TSR3: variants seen among roughly 807,000 people sequenced by gnomAD.
TSR3 encodes TSR3 ribosome maturation factor.
In TSR3, 31 loss-of-function variants were observed where a neutral mutation model predicts 28.1. The ratio of observed to expected loss-of-function variants is 1.10; its 90% CI spans 0.83 to 1.49. TSR3 has a LOEUF of 1.49. Ranked by LOEUF, TSR3 falls within the 40% of genes most tolerant of loss-of-function variation. TSR3 has a pLI of 0.00. For missense variants in TSR3, 511 were observed against 444.0 expected, an observed-to-expected ratio of 1.15 and a Z score of -1.36; for synonymous variants, 219 against 197.2, an observed-to-expected ratio of 1.11 and a Z score of -0.93.
At position 1,349,439 on chromosome 16, in the gene TSR3, AGTCTCTCTGCCGTT is replaced by A; in HGVS notation, c.923_936del (p.Lys308MetfsTer13). On this transcript the variant is annotated frameshift_variant, in exon 6 of 6. Coordinates refer to ENST00000007390, the MANE Select transcript of TSR3 (RefSeq NM_001001410.3). LOFTEE classifies it high-confidence loss of function. Reference sequence around the variant, plus strand: ...AAAAATATATGTGTCTGCAACCCTCAGTCTCTCTGCCGTTTCTTGATTCCTTTCCAAACCTCAGC... The same window carrying A: ...AAAAATATATGTGTCTGCAACCCTCATCTTGATTCCTTTCCAAACCTCAGC... 1 of 1,613,452 alleles carries A rather than the reference AGTCTCTCTGCCGTT, an allele frequency of 6.2e-7. No individual in the cohort carries two copies. The highest frequency in any genetic ancestry group is 1.1e-5 in the South Asian group (1 of 91,044).
chr16:1,350,671 C>T, intron 3 of TSR3, 136 bp downstream of exon 3: 1 of 1,033,082 alleles, frequency 9.7e-7, no homozygotes, highest in Non-Finnish European at 1.4e-6. Flanking sequence ...GGGGCTGGAA[C>T]CGTGGTCTGT....
chr16:1,350,735 A>T, intron 3 of TSR3, 72 bp downstream of exon 3: 1 of 1,528,814 alleles, frequency 6.5e-7, no homozygotes, highest in East Asian at 2.3e-5. Flanking sequence ...TGTCGGCAGG[A>T]AACATGATGC....
chr16:1,351,086 C>G, intron 2 of TSR3, 86 bp from the exon 3 acceptor site: 1 of 1,395,774 alleles, frequency 7.2e-7, no homozygotes, highest in South Asian at 1.3e-5. Context: ...CTAAGGGATT[C>G]AGGGACATCA....
Position 1,350,858 on chromosome 16 carries a change from G to A in TSR3, c.475C>T (p.Pro159Ser), listed in dbSNP as rs575653164. The change falls in exon 3 of 6, where the codon CCC becomes TCC. Residue 159 changes from proline (P) to serine (S), a missense_variant. Pro to Ser is a moderately conservative substitution (Grantham distance 74, BLOSUM62 -1). Transcript: ENST00000007390. Reference sequence around the variant, plus strand: ...GCTTCCACGCAGGAAAGTCTGTAGGGCCGGCCATAGTTCACGGGGTTGGCG... The same window carrying A: ...GCTTCCACGCAGGAAAGTCTGTAGGACCGGCCATAGTTCACGGGGTTGGCG... The part of the protein sequence containing the change: ...VAANPVNYGR[P>S]YRLSCVEAFA... 33 of 1,612,946 alleles carry A rather than the reference G, an allele frequency of 2.0e-5. No individual in the cohort carries two copies. Among genetic ancestry groups the A allele is most frequent in the Non-Finnish European group, 2.6e-5 (31 of 1,180,006 alleles).
chr16:1,350,333 C>G (rs1455189208), intron 3 of TSR3, 99 bp from the exon 4 acceptor site: 24 of 1,299,724 alleles, frequency 1.8e-5, no homozygotes, highest in Non-Finnish European at 2.3e-5. Context: ...CCCAAGTAAC[C>G]GCAGGGTCCC....
chr16:1,351,334 C>A, intron 2 of TSR3, 45 bp downstream of exon 2: 2 of 1,540,048 alleles, frequency 1.3e-6, no homozygotes, highest in Non-Finnish European at 8.7e-7. Flanking sequence ...AAGGGAACCA[C>A]GCGCTGGAAA....
Position 1,351,785 on chromosome 16 carries a change from G to T in TSR3, c.20C>A (p.Ala7Glu). ...GCCGCCTTCCGCCCCCGGCCCGCGC[G>T]CTGCCCTCCTGCGGCCCATGGCGCG... MGRRRA[A>E]RGPGAEGGRP... The change falls in exon 1 of 6, where the codon GCG (alanine) becomes GAG (glutamate). Residue 7 changes from alanine to glutamate, a missense_variant. Transcript: ENST00000007390. The T allele has an allele frequency of 1.5e-6, 2 of 1,338,706 alleles. No homozygotes were observed. Among genetic ancestry groups the T allele is most frequent in the Non-Finnish European group, 1.9e-6 (2 of 1,050,926 alleles). 82.9% of individuals were successfully genotyped at this position (1,338,706 alleles called of 1,614,324 possible).
In TSR3 at chr16:1,349,501, C is replaced by A. The variant is rs199925239; in HGVS notation, c.875G>T (p.Arg292Leu). 8 of 1,613,720 alleles carry A rather than the reference C, an allele frequency of 5.0e-6. No homozygotes were observed. In the South Asian group the frequency reaches 7.7e-5, roughly 16 times the overall value. The change falls in exon 6 of 6, where the codon CGG becomes CTG. Residue 292 changes from arginine (R) to leucine (L), a missense_variant. Physicochemically the swap from Arg to Leu is moderately radical, Grantham distance 102. Transcript: ENST00000007390. The part of the protein sequence containing the change: ...SCCEEEQTQG[R>L]GAEARAPAEV... ...AGCCGGGGCCCTGGCCTCAGCCCCCCGTCCCTGCGTCTGCTCCTCTTCACA... is the reference window on the plus strand; with the variant it reads ...AGCCGGGGCCCTGGCCTCAGCCCCCAGTCCCTGCGTCTGCTCCTCTTCACA...
chr16:1,350,545 C>A (rs1424546544), intron 3 of TSR3, among the ~76,000 whole-genome samples: 1 of 152,154 alleles, frequency 6.6e-6, no homozygotes, highest in African/African-American at 2.4e-5. Flanking sequence ...AAGGAGGATT[C>A]TCTGGGCAGT....
chr16:1,351,659 C>T (rs1297015812), intron 1 of TSR3, 34 bp downstream of exon 1: 12 of 1,414,104 alleles, frequency 8.5e-6, no homozygotes, highest in African/African-American at 1.5e-5. Flanking sequence ...GGCCCTCAAA[C>T]CCTGACCCGC....
rs1414984649 is a variant in TSR3, at chr16:1,351,720, C to A, written c.85G>T (p.Ala29Ser). ...HLPTRSLEAF[A>S]EEVGAALQAS... is the part of the protein sequence containing the mutation. The stretch of plus-strand genomic sequence containing the variant: ...TGCAGCGCGGCGCCGACCTCCTCGG[C>A]GAAGGCCTCCAGGGAGCGCGTCGGG... The change falls in exon 1 of 6, where the codon GCC becomes TCC. Residue 29 changes from alanine (A) to serine (S), a missense_variant. Physicochemically the swap from Ala to Ser is moderately conservative, Grantham distance 99. Transcript: ENST00000007390. 7.3e-7 allele frequency: 1 copy of A among 1,374,872 alleles called. No homozygotes were observed. 85.2% of individuals were successfully genotyped at this position (1,374,872 alleles called of 1,614,324 possible).
At position 1,349,939 on chromosome 16, in the gene TSR3, C is replaced by G; in HGVS notation, c.717G>C (p.Val239=). 8.1e-6 allele frequency: 13 copies of G among 1,613,580 alleles called. No homozygotes were observed. Among genetic ancestry groups the G allele is most frequent in the Non-Finnish European group, 1.1e-5 (13 of 1,180,012 alleles). ...PQEEEIDPFD[V]DSGREFGNPN... ...GGTTTCCAAACTCTCTCCCTGAATC[C>G]ACATCGAAGGGATCTGAGCCGAGAG... Residue 239 remains valine, a synonymous_variant, in exon 5 of 6, where the codon GTG becomes GTC. Coordinates refer to ENST00000007390, the MANE Select transcript of TSR3 (RefSeq NM_001001410.3).
At chr16:1,349,797 A>G (rs2141628298) in intron 5 of TSR3, 92 bp downstream of exon 5, 1 of 1,524,378 alleles carries the variant, frequency 6.6e-7, no homozygotes, top group South Asian at 1.1e-5. Context: ...TGTTGTTTAC[A>G]ACACCACCCC....
chr16:1,349,776 G>A, intron 5 of TSR3, 113 bp downstream of exon 5: 5 of 1,416,804 alleles, frequency 3.5e-6, no homozygotes, highest in South Asian at 2.4e-5. Flanking sequence ...CTAGTCAGAA[G>A]ACCATCGGGG....
In TSR3 at chr16:1,349,318, C is replaced by A. The variant is rs1402207502; in HGVS notation, c.*119G>T. 8.7e-7 allele frequency: 1 copy of A among 1,146,576 alleles called. No homozygotes were observed. Among genetic ancestry groups the A allele is most frequent in the Non-Finnish European group, 1.3e-6 (1 of 760,764 alleles). 71.0% of individuals were successfully genotyped at this position (1,146,576 alleles called of 1,614,324 possible). On this transcript the variant is annotated 3_prime_UTR_variant, in exon 6 of 6. Transcript: ENST00000007390. The stretch of plus-strand genomic sequence containing the variant: ...GCTGTGCTGGAAGTGTGGGGAGAAC[C>A]CGGACAGCTCAGTCCTGCCAGCAGC...
Position 1,351,139 on chromosome 16 carries a change from G to A in TSR3, c.333-139C>T. The A allele has an allele frequency of 1.9e-5, 20 of 1,037,450 alleles. No individual in the cohort carries two copies. The South Asian group carries it at 2.7e-4, about 14-fold the overall frequency. 64.3% of individuals were successfully genotyped at this position (1,037,450 alleles called of 1,614,324 possible). ...ACCCTCAAACGGACTTCACGAGCAA[G>A]CTTTTGAGGCAGCTGCTTGGGGCAC... On this transcript the variant is annotated intron_variant, in intron 2 of 5. Transcript: ENST00000007390.
chr16:1,350,739 A>T, intron 3 of TSR3, 68 bp downstream of exon 3: 1 of 1,537,652 alleles, frequency 6.5e-7, no homozygotes. Context: ...GGCAGGAAAC[A>T]TGATGCTGGG....
intron 3 of TSR3, among the ~76,000 whole-genome samples, chr16:1,350,579 C>G (rs2034644006): frequency 6.6e-6 from 1 of 152,128 alleles, no homozygotes; most frequent in African/African-American, 2.4e-5. Flanking sequence ...TGAATGGCAC[C>G]CCACACACCG....
chr16:1,349,761 G>A, intron 5 of TSR3, 128 bp downstream of exon 5: 6 of 1,399,710 alleles, frequency 4.3e-6, no homozygotes, highest in Middle Eastern at 2.2e-4. Flanking sequence ...TGCACTGCAG[G>A]TTTTCTAGTC....
Sources: gnomAD v4.1 joint callset for allele counts (sites outside exome capture counted in the v4.1 genomes callset) on GRCh38, gnomAD v4.1.1 for gene constraint, MANE v1.5 for transcripts, NCBI Gene and HGNC (gene_info 2026-07-23, HGNC 2026-07-21) for gene names.